PLD5: variants seen among roughly 807,000 people sequenced by gnomAD.
PLD5 encodes inactive phospholipase D5.
PLD5 carries 36 observed loss-of-function variants against 61.1 expected under a neutral mutation model. The observed-to-expected ratio is 0.59, with a 90% CI of 0.45 to 0.78. The LOEUF is 0.78. Ranked by LOEUF, PLD5 falls within the 30% of genes least tolerant of loss-of-function variation. The pLI, the probability that PLD5 is intolerant of heterozygous loss-of-function variation, is 0.00. For synonymous variants in PLD5, 243 were observed against 242.8 expected, an observed-to-expected ratio of 1.00 and a Z score of -0.01; for missense variants, 515 against 644.4, an observed-to-expected ratio of 0.80 and a Z score of 2.17.
intron 2 of PLD5, among the ~76,000 whole-genome samples, chr1:242,329,257 G>A (rs1031639371): frequency 1.3e-5 from 2 of 152,090 alleles, no homozygotes; most frequent in African/African-American, 2.4e-5. Flanking sequence ...TGATCTACCC[G>A]ACTCAGCCTC....
At chr1:242,100,543 C>T in intron 9 of PLD5, 125 bp downstream of exon 9, 2 of 674,168 alleles carry the variant, frequency 3.0e-6, no homozygotes, top group Non-Finnish European at 2.6e-6. Context: ...ATCTCCATTT[C>T]CCCTCATTCA....
rs368117447 is a variant in PLD5 at position 242,337,985 on chromosome 1, C to T, written c.326+10121G>A. On this transcript the variant is annotated intron_variant, in intron 2 of 9. Coordinates refer to ENST00000536534, the MANE Select transcript of PLD5 (RefSeq NM_001372062.1). The stretch of plus-strand genomic sequence containing the variant: ...TTAGACTCACAGTTCAAAGTTTCCC[C>T]TCTGAAGCATAAACCCATTCTGAAA... Among the ~76,000 whole-genome samples, 16 of 152,260 alleles carry T rather than the reference C, an allele frequency of 1.1e-4. No individual in the cohort carries two copies. The South Asian group carries it at 2.9e-3, about 28-fold the overall frequency.
intron 1 of PLD5, among the ~76,000 whole-genome samples, chr1:242,401,181 G>A (rs1317306667): frequency 1.3e-5 from 2 of 152,058 alleles, no homozygotes; most frequent in East Asian, 3.9e-4. Context: ...ATTCTTCTCT[G>A]TCTCTTCTAC....
chr1:242,270,503 T>C (rs1184572338), intron 3 of PLD5, among the ~76,000 whole-genome samples: 1 of 152,164 alleles, frequency 6.6e-6, no homozygotes, highest in Non-Finnish European at 1.5e-5. Flanking sequence ...GATCATTTTG[T>C]TATGTTAAAG....
chr1:242,292,835 G>C (rs1177446901), intron 2 of PLD5, among the ~76,000 whole-genome samples: 1 of 152,130 alleles, frequency 6.6e-6, no homozygotes, highest in Non-Finnish European at 1.5e-5. Context: ...ATGTACTGCA[G>C]GATACACATG....
At chr1:242,453,336 T>C (rs1666847311) in intron 1 of PLD5, among the ~76,000 whole-genome samples, 1 of 152,218 alleles carries the variant, frequency 6.6e-6, no homozygotes, top group South Asian at 2.1e-4. Flanking sequence ...TAAGTTTCTT[T>C]GTTTGTAAGC....
Position 242,404,978 on chromosome 1 carries a change from C to G in PLD5, c.190-56736G>C, listed in dbSNP as rs1342364851. Among the ~76,000 whole-genome samples, 7 of 148,438 alleles carry G rather than the reference C, an allele frequency of 4.7e-5. No homozygotes were observed. In the East Asian group the frequency reaches 1.2e-3, roughly 25 times the overall value. ...CACTGCAACCTCCACCTCCCGGGTT[C>G]AAGCAATTCTCCTGCCTCAGCCTCC... On this transcript the variant is annotated intron_variant, in intron 1 of 9. Coordinates refer to ENST00000536534, the MANE Select transcript of PLD5 (RefSeq NM_001372062.1).
chr1:242,498,370 C>T (rs1668445254), intron 1 of PLD5, among the ~76,000 whole-genome samples: 1 of 152,214 alleles, frequency 6.6e-6, no homozygotes, highest in Admixed American at 6.5e-5. Context: ...CATTACTCAG[C>T]ACCAACCAGT....
chr1:242,462,643 T>C (rs1227409911), intron 1 of PLD5, among the ~76,000 whole-genome samples: 2 of 151,382 alleles, frequency 1.3e-5, no homozygotes, highest in Non-Finnish European at 2.9e-5. Flanking sequence ...GAAAAATGAC[T>C]CTCCCCTGGA....
chr1:242,363,027 T>C (rs1025348376), intron 1 of PLD5, among the ~76,000 whole-genome samples: 1 of 151,902 alleles, frequency 6.6e-6, no homozygotes, highest in Non-Finnish European at 1.5e-5. Context: ...AAGGCTAGAG[T>C]TGGCAGGGCA....
intron 5 of PLD5, among the ~76,000 whole-genome samples, chr1:242,126,276 T>C (rs1181297165): frequency 6.6e-6 from 1 of 152,166 alleles, no homozygotes; most frequent in Non-Finnish European, 1.5e-5. Context: ...CCCATCAAAA[T>C]ACCACCATCA....
At position 242,143,283 on chromosome 1, in the gene PLD5, C is replaced by T. The variant is rs190972780; in HGVS notation, c.736-18618G>A. ...GGCCAGGCTGGTCTTGAACTCCTGACCTCAAATGATCCACCTACCTCAGCA... is the reference window on the plus strand; with the variant it reads ...GGCCAGGCTGGTCTTGAACTCCTGATCTCAAATGATCCACCTACCTCAGCA... On this transcript the variant is annotated intron_variant, in intron 5 of 9. Transcript: ENST00000536534. Among the ~76,000 whole-genome samples, 568 of 152,102 alleles carry T rather than the reference C, an allele frequency of 3.7e-3. 4 individuals are homozygous for T. Among genetic ancestry groups the T allele is most frequent in the African/African-American group, 0.012 (478 of 41,472 alleles).
chr1:242,209,017 GT>G (rs931670996), intron 5 of PLD5: 1 of 152,118 alleles, frequency 6.6e-6, no homozygotes, highest in African/African-American at 2.4e-5. Context: ...AAGAGGATTC[GT>G]TTGAAAAGTA....
intron 1 of PLD5, among the ~76,000 whole-genome samples, chr1:242,402,501 G>A (rs910584704): frequency 5.9e-5 from 9 of 152,130 alleles, no homozygotes; most frequent in Non-Finnish European, 1.2e-4. Context: ...TGAACTATAT[G>A]GTTGCCTACC....
At chr1:242,145,184 C>G (rs1471653280) in intron 5 of PLD5, among the ~76,000 whole-genome samples, 1 of 152,152 alleles carries the variant, frequency 6.6e-6, no homozygotes, top group African/African-American at 2.4e-5. Flanking sequence ...TGCTCTGTAT[C>G]CCCCTGGGTG....
At chr1:242,109,414 G>A (rs1454639502) in intron 7 of PLD5, among the ~76,000 whole-genome samples, 1 of 152,096 alleles carries the variant, frequency 6.6e-6, no homozygotes, top group Admixed American at 6.5e-5. Flanking sequence ...GGAGGTGGAG[G>A]TTGCAGTGAG....
Position 242,255,010 on chromosome 1 carries a change from C to T in PLD5, c.607+10327G>A, listed in dbSNP as rs111661892. ...AAGCATGAGCCTCTCAAGTGGCATT[C>T]GCTTTGAGAAGGTGTGAAATGAAAG... On this transcript the variant is annotated intron_variant, in intron 4 of 9. Coordinates refer to ENST00000536534, the MANE Select transcript of PLD5 (RefSeq NM_001372062.1). Among the ~76,000 whole-genome samples the T allele has an allele frequency of 6.7e-3, 1,024 of 152,278 alleles. 17 individuals carry two copies. The highest frequency in any genetic ancestry group is 0.024 in the African/African-American group (981 of 41,564).
rs151181956 is a variant in PLD5 at position 242,271,520 on chromosome 1, G to A, written c.496-6072C>T. On this transcript the variant is annotated intron_variant, in intron 3 of 9. Transcript: ENST00000536534. Reference sequence around the variant, plus strand: ...ACAATAGTTACCCATCAAGGAAAATGAATCAGATAGACTGGCAGAGATCTA... The same window carrying A: ...ACAATAGTTACCCATCAAGGAAAATAAATCAGATAGACTGGCAGAGATCTA... Among the ~76,000 whole-genome samples, 1,273 of 152,222 alleles carry A rather than the reference G, an allele frequency of 8.4e-3. 14 individuals carry two copies. The highest frequency in any genetic ancestry group is 0.028 in the African/African-American group (1,147 of 41,530).
chr1:242,414,043 G>T (rs1664694963), intron 1 of PLD5, among the ~76,000 whole-genome samples: 1 of 152,156 alleles, frequency 6.6e-6, no homozygotes, highest in Non-Finnish European at 1.5e-5. Context: ...AAGGTTGCAA[G>T]CAGAAGTGTC....
Sources: gnomAD v4.1 joint callset for allele counts (sites outside exome capture counted in the v4.1 genomes callset) on GRCh38, gnomAD v4.1.1 for gene constraint, MANE v1.5 for transcripts, NCBI Gene and HGNC (gene_info 2026-07-23, HGNC 2026-07-21) for gene names.